Variants in SLIT2 observed in about 807,000 individuals in gnomAD.
The protein encoded by SLIT2 is slit homolog 2 protein.
SLIT2 carries 41 observed loss-of-function variants against 185.7 expected under a neutral mutation model. The ratio of observed to expected loss-of-function variants is 0.22; its 90% CI spans 0.17 to 0.29. The LOEUF (loss-of-function observed/expected upper bound fraction) is 0.29. SLIT2 is among the 10% of genes least tolerant of loss of function. SLIT2 has a pLI of 1.00. For synonymous variants in SLIT2, 693 were observed against 680.2 expected (o/e 1.02, Z -0.29); for missense variants, 1,571 against 1,909.0 (o/e 0.82, Z 3.30).
chr4:20,343,453 A>G (rs772456521), intron 4 of SLIT2, among the ~76,000 whole-genome samples: 1 of 152,032 alleles, frequency 6.6e-6, no homozygotes, highest in Admixed American at 6.6e-5. Flanking sequence ...TGTATACGCA[A>G]TTTATCCTTT....
intron 36 of SLIT2, among the ~76,000 whole-genome samples, chr4:20,617,911 C>T (rs896533063): frequency 1.3e-5 from 2 of 152,186 alleles, no homozygotes; most frequent in Non-Finnish European, 2.9e-5. Context: ...CCTTCAGATG[C>T]TTCTCACAAG....
At chr4:20,536,629 TA>T (rs1722320812) in intron 18 of SLIT2, among the ~76,000 whole-genome samples, 1 of 151,796 alleles carries the variant, frequency 6.6e-6, no homozygotes, top group Admixed American at 6.6e-5. Context: ...ATTTATTTTT[TA>T]AATGTATTTC....
In SLIT2 at chr4:20,594,341, G is replaced by C. The variant is rs547269857; in HGVS notation, c.3183-1356G>C. On this transcript the variant is annotated intron_variant, in intron 30 of 36. Transcript: ENST00000504154. ...TATGAGAAAACTATGACCTAGCTCT[G>C]CAGAATTCAGGCTTTGCAGTTATGT... Among the ~76,000 whole-genome samples, 3 of 151,408 alleles carry C rather than the reference G, an allele frequency of 2.0e-5. No individual in the cohort carries two copies. The South Asian group carries it at 6.3e-4, about 32-fold the overall frequency.
chr4:20,355,536 AAG>A (rs1408029647), intron 4 of SLIT2, among the ~76,000 whole-genome samples: 21 of 152,332 alleles, frequency 1.4e-4, no homozygotes, highest in African/African-American at 5.1e-4. Context: ...TTTTTTAAAA[AAG>A]ACATTTTCTT....
intron 18 of SLIT2, among the ~76,000 whole-genome samples, chr4:20,537,429 T>A (rs532522697): frequency 3.3e-5 from 5 of 152,142 alleles, no homozygotes; most frequent in African/African-American, 4.8e-5. Flanking sequence ...CATTTGGGGG[T>A]TAGGGCTTCA....
chr4:20,489,611 C>T (rs1717592209), intron 8 of SLIT2, among the ~76,000 whole-genome samples: 2 of 151,878 alleles, frequency 1.3e-5, no homozygotes, highest in Non-Finnish European at 2.9e-5. Context: ...TGGCAAAACC[C>T]CGTCCTTTCT....
chr4:20,443,922 A>G (rs1030586513), intron 4 of SLIT2, among the ~76,000 whole-genome samples: 31 of 152,336 alleles, frequency 2.0e-4, no homozygotes, highest in African/African-American at 6.5e-4. Flanking sequence ...AAAATGACAG[A>G]TGCTGGATTG....
intron 4 of SLIT2, among the ~76,000 whole-genome samples, chr4:20,425,330 A>G (rs1728469350): frequency 6.6e-6 from 1 of 152,116 alleles, no homozygotes; most frequent in African/African-American, 2.4e-5. Context: ...CTCATTGTCC[A>G]CATTCCAGCC....
At chr4:20,426,664 C>G (rs906744503) in intron 4 of SLIT2, among the ~76,000 whole-genome samples, 5 of 151,960 alleles carry the variant, frequency 3.3e-5, no homozygotes, top group Admixed American at 2.6e-4. Context: ...GAACCTTAAA[C>G]CGTAACTTAA....
chr4:20,355,730 G>A (rs1317144941), intron 4 of SLIT2, among the ~76,000 whole-genome samples: 1 of 152,026 alleles, frequency 6.6e-6, no homozygotes, highest in Non-Finnish European at 1.5e-5. Flanking sequence ...TAATATTCCA[G>A]GTGGTCTTTT....
chr4:20,339,608 G>A (rs1368363292), intron 4 of SLIT2, among the ~76,000 whole-genome samples: 1 of 152,156 alleles, frequency 6.6e-6, no homozygotes, highest in Non-Finnish European at 1.5e-5. Flanking sequence ...AGTTTGAAGT[G>A]TATGAAATGG....
intron 4 of SLIT2, among the ~76,000 whole-genome samples, chr4:20,344,710 C>T (rs895795075): frequency 9.9e-5 from 15 of 152,144 alleles, no homozygotes; most frequent in Admixed American, 9.2e-4. Flanking sequence ...TGTGAATGGT[C>T]ACTGTTGAAC....
At chr4:20,511,597 T>TTTTTTTTTTTTTTTTTA in intron 11 of SLIT2, among the ~76,000 whole-genome samples, 1 of 139,092 alleles carries the variant, frequency 7.2e-6, no homozygotes, top group Non-Finnish European at 1.5e-5. Flanking sequence ...ATTTTTTTTT[T>TTTTTTTTTTTTTTTTTA]TTTTTTATTT....
chr4:20,522,990 T>A (rs564299973), intron 12 of SLIT2, among the ~76,000 whole-genome samples: 2 of 152,020 alleles, frequency 1.3e-5, no homozygotes, highest in Non-Finnish European at 2.9e-5. Flanking sequence ...TAGAAATAGA[T>A]CAAAGTAAAA....
intron 4 of SLIT2, among the ~76,000 whole-genome samples, chr4:20,354,900 TGTGTGTGAGAGAGAGAGAGAGAGA>T (rs1446994307): frequency 8.8e-6 from 1 of 113,846 alleles, no homozygotes; most frequent in Non-Finnish European, 1.9e-5. Flanking sequence ...TGTGTGTGTG[TGTGTGTGAGAGAGAGAGAGAGAGA>T]GAGAGAGAGA....
rs1438938830 is a variant in SLIT2, at chr4:20,595,685, T to C, written c.3183-12T>C. The C allele has an allele frequency of 8.1e-6, 13 of 1,612,890 alleles. No individual in the cohort carries two copies. Among genetic ancestry groups the C allele is most frequent in the Non-Finnish European group, 1.1e-5 (13 of 1,179,138 alleles). On this transcript the variant is annotated splice_polypyrimidine_tract_variant and intron_variant, in intron 30 of 36. Transcript: ENST00000504154. ...AGTTGGGTTTGAAACCATTACCTGC[T>C]TGTTCCAACAGATGTGACTGCACAC...
intron 4 of SLIT2, among the ~76,000 whole-genome samples, chr4:20,463,471 ATATATATATATATATATATATG>A (rs1432762837): frequency 7.2e-4 from 64 of 88,610 alleles, no homozygotes; most frequent in African/African-American, 1.9e-3. Flanking sequence ...ATATATATAT[ATATATATATATATATATATATG>A]TGTGTGTGCG....
At chr4:20,371,066 T>G (rs1250393967) in intron 4 of SLIT2, among the ~76,000 whole-genome samples, 2 of 152,084 alleles carry the variant, frequency 1.3e-5, no homozygotes, top group African/African-American at 4.8e-5. Context: ...TATTTCTTCC[T>G]ATCTCTAGTT....
At chr4:20,587,050 C>G (rs1409253057) in intron 29 of SLIT2, among the ~76,000 whole-genome samples, 3 of 150,088 alleles carry the variant, frequency 2.0e-5, no homozygotes, top group East Asian at 3.9e-4. Context: ...TTTTTGACTG[C>G]TCTTGTCACC....
Sources: gnomAD v4.1 joint callset for allele counts (sites outside exome capture counted in the v4.1 genomes callset) on GRCh38, gnomAD v4.1.1 for gene constraint, MANE v1.5 for transcripts, NCBI Gene and HGNC (gene_info 2026-07-23, HGNC 2026-07-21) for gene names.